SPDYE17: variants seen among roughly 807,000 people sequenced by gnomAD.
The protein encoded by SPDYE17 is speedy protein E17.
For synonymous variants in SPDYE17, 4 were observed against 14.8 expected, an observed-to-expected ratio of 0.27 and a Z score of 1.68; for missense variants, 7 against 38.0, an observed-to-expected ratio of 0.18 and a Z score of 2.15.
chr7:77,026,644 T>TTCA (rs1789438316), intron 5 of SPDYE17, among the ~76,000 whole-genome samples, 185 bp downstream of exon 5: 1 of 136,286 alleles, frequency 7.3e-6, no homozygotes, highest in Non-Finnish European at 1.6e-5. Context: ...TTAGGAGCGG[T>TTCA]TCATGGTTCC....
chr7:77,032,210 CA>C lies in SPDYE17; in HGVS notation c.-454+29del, dbSNP rs1238120887. Among the ~76,000 whole-genome samples the C allele has an allele frequency of 9.3e-3, 708 of 76,154 alleles. 63 individuals carry two copies. The highest frequency in any genetic ancestry group is 0.013 in the Non-Finnish European group (540 of 40,880). 50.0% of individuals were successfully genotyped at this position (76,154 alleles called of 152,430 possible). ...GGGCAACAAGAGCAAAACTACATCT[CA>C]AAAAAAAAAAAAAACAAACAAAAAG... On this transcript the variant is annotated intron_variant, in intron 1 of 7. Coordinates refer to ENST00000671986, the MANE Select transcript of SPDYE17 (RefSeq NM_001351351.3).
chr7:77,031,808 C>T (rs1583957837), intron 1 of SPDYE17, among the ~76,000 whole-genome samples: 1 of 40,124 alleles, frequency 2.5e-5, no homozygotes, highest in Non-Finnish European at 3.8e-5. Context: ...GAGCTGTGAT[C>T]GTGACACCGC....
chr7:77,029,755 G>A (rs1789479854), intron 2 of SPDYE17, among the ~76,000 whole-genome samples: 1 of 108,844 alleles, frequency 9.2e-6, no homozygotes, highest in Non-Finnish European at 1.8e-5. Flanking sequence ...CACCCAGGCT[G>A]GAGTGTAGTG....
chr7:77,032,222 A>C lies in SPDYE17; in HGVS notation c.-454+18T>G, dbSNP rs539019387. The stretch of plus-strand genomic sequence containing the variant: ...CAAAACTACATCTCAAAAAAAAAAA[A>C]AAACAAACAAAAAGAACCTGTGGAT... On this transcript the variant is annotated intron_variant, in intron 1 of 7. Coordinates refer to ENST00000671986, the MANE Select transcript of SPDYE17 (RefSeq NM_001351351.3). Among the ~76,000 whole-genome samples, 244 of 119,268 alleles carry C rather than the reference A, an allele frequency of 2.0e-3. 18 individuals are homozygous for C. The highest frequency in any genetic ancestry group is 3.1e-3 in the Non-Finnish European group (185 of 59,666). 78.2% of individuals were successfully genotyped at this position (119,268 alleles called of 152,430 possible).
intron 2 of SPDYE17, among the ~76,000 whole-genome samples, chr7:77,029,720 G>C (rs1347752457): frequency 2.9e-5 from 1 of 34,104 alleles, no homozygotes; most frequent in Non-Finnish European, 4.9e-5. Context: ...TTTTTTTTTT[G>C]TTTCGAGACA....
chr7:77,027,747 G>A (rs1334769031), intron 4 of SPDYE17, among the ~76,000 whole-genome samples: 1 of 127,194 alleles, frequency 7.9e-6, no homozygotes, highest in African/African-American at 2.8e-5. Context: ...TGTAATCTGA[G>A]CACTTTGGGA....
rs1307084648 is a variant in SPDYE17 at position 77,027,694 on chromosome 7, A to C, written c.408+448T>G. On this transcript the variant is annotated intron_variant, in intron 4 of 7. Transcript: ENST00000671986. ...CAGAAAAAAAAATGTGTGGGTGCCA[A>C]GACTCAAGACCATGGGAGCTGGTCA... Among the ~76,000 whole-genome samples, 184 of 116,284 alleles carry C rather than the reference A, an allele frequency of 1.6e-3. 3 individuals are homozygous for C. The highest frequency in any genetic ancestry group is 3.0e-3 in the South Asian group (8 of 2,708). The allele number at this position is 116,284 out of a possible 152,430, so 76.3% of individuals were successfully genotyped here.
chr7:77,031,916 C>T (rs1789495028), intron 1 of SPDYE17, among the ~76,000 whole-genome samples: 1 of 52,200 alleles, frequency 1.9e-5, no homozygotes, highest in Non-Finnish European at 3.1e-5. Flanking sequence ...TCCAAAGAAC[C>T]TGTGGGTTCC....
At chr7:77,027,230 G>A (rs1362010561) in intron 4 of SPDYE17, among the ~76,000 whole-genome samples, 1 of 70,088 alleles carries the variant, frequency 1.4e-5, no homozygotes, top group Non-Finnish European at 2.5e-5. Flanking sequence ...CTGTCCCAAG[G>A]AGCTGAGAGT....
rs1289456331 is a variant in SPDYE17, at chr7:77,029,272, C to T, written c.310G>A (p.Val104Met). The T allele has an allele frequency of 8.8e-5, 8 of 90,752 alleles. No homozygotes were observed. Among genetic ancestry groups the T allele is most frequent in the Admixed American group, 7.9e-4 (3 of 3,794 alleles). The allele number at this position is 90,752 out of a possible 1,614,324, so 5.6% of individuals were successfully genotyped here. A position where few individuals can be genotyped will look rare whatever the true frequency, so the allele number is the denominator to read the frequency against. ...MKAKRRRVSL[V>M]LPEYYEAFNR... ...AAGGCCTCGTAGTACTCAGGGAGCA[C>T]GAGCGACACTCGCCGTCGCTTCGCC... is the stretch of plus-strand genomic sequence containing the variant. The change falls in exon 3 of 8, where the codon GTG (valine) becomes ATG (methionine). Residue 104 changes from valine (V) to methionine (M), a missense_variant. By Grantham distance (21) the Val-to-Met change is conservative. Transcript: ENST00000671986.
chr7:77,025,747 TAA>T (rs1789421055), intron 5 of SPDYE17: 1 of 36,272 alleles, frequency 2.8e-5, no homozygotes, highest in African/African-American at 3.2e-4. Flanking sequence ...CTTGTCTTGA[TAA>T]ATAAATAAAT....
intron 5 of SPDYE17, among the ~76,000 whole-genome samples, chr7:77,026,503 C>G (rs1255745014): frequency 6.7e-6 from 1 of 150,100 alleles, no homozygotes; most frequent in African/African-American, 2.4e-5. Context: ...ACTGTGACCT[C>G]TGTCACGGGA....
At chr7:77,027,767 G>C (rs566363609) in intron 4 of SPDYE17, among the ~76,000 whole-genome samples, 2 of 127,560 alleles carry the variant, frequency 1.6e-5, no homozygotes, top group Non-Finnish European at 3.2e-5. Context: ...AGGCCAAGGC[G>C]GGTGGATCAC....
chr7:77,032,323 T>G lies in SPDYE17; in HGVS notation c.-537A>C, dbSNP rs1310996966. Among the ~76,000 whole-genome samples, 1 of 132,846 alleles carries G rather than the reference T, an allele frequency of 7.5e-6. No individual in the cohort carries two copies. The highest frequency in any genetic ancestry group is 1.6e-5 in the Non-Finnish European group (1 of 63,498). The allele number at this position is 132,846 out of a possible 152,430, so 87.2% of individuals were successfully genotyped here. Reference sequence around the variant, plus strand: ...GCTCATGGGAAAGGCACAAACTGAATGCGGAAGGAAATCCCATTGCTATGG... The same window carrying G: ...GCTCATGGGAAAGGCACAAACTGAAGGCGGAAGGAAATCCCATTGCTATGG... On this transcript the variant is annotated 5_prime_UTR_variant, in exon 1 of 8. Coordinates refer to ENST00000671986, the MANE Select transcript of SPDYE17 (RefSeq NM_001351351.3).
intron 4 of SPDYE17, among the ~76,000 whole-genome samples, 193 bp downstream of exon 4, chr7:77,027,949 C>T (rs1789460108): frequency 1.5e-5 from 2 of 130,666 alleles, no homozygotes; most frequent in South Asian, 3.1e-4. Flanking sequence ...GAGTCAAGAT[C>T]GAGACACTGC....
intron 5 of SPDYE17, among the ~76,000 whole-genome samples, chr7:77,026,098 G>A (rs1405523114): frequency 3.2e-5 from 4 of 125,612 alleles, no homozygotes; most frequent in African/African-American, 9.5e-5. Context: ...GGAAGACGAG[G>A]GAAGGCATCA....
rs1789390698 is a variant in SPDYE17, at chr7:77,022,848, A to G, written c.*985T>C. On this transcript the variant is annotated 3_prime_UTR_variant, in exon 8 of 8. Coordinates refer to ENST00000671986, the MANE Select transcript of SPDYE17 (RefSeq NM_001351351.3). ...AATATATTTAATAAATATTTCAATA[A>G]ATAAAATAATATTTAAATAATTCTG... is the stretch of plus-strand genomic sequence containing the variant. Among the ~76,000 whole-genome samples, 1 of 116,334 alleles carries G rather than the reference A, an allele frequency of 8.6e-6. No individual in the cohort carries two copies. Among genetic ancestry groups the G allele is most frequent in the Admixed American group, 9.9e-5 (1 of 10,120 alleles). 76.3% of individuals were successfully genotyped at this position (116,334 alleles called of 152,430 possible). A position where few individuals can be genotyped will look rare whatever the true frequency, so the allele number is the denominator to read the frequency against.
intron 5 of SPDYE17, among the ~76,000 whole-genome samples, chr7:77,026,616 G>A (rs568459595): frequency 1.1e-3 from 155 of 145,362 alleles, no homozygotes; most frequent in Middle Eastern, 3.6e-3. Flanking sequence ...CCGCTCCTCC[G>A]CTCCTTTTCT....
intron 5 of SPDYE17, chr7:77,025,647 A>G (rs1048458278): frequency 2.6e-4 from 33 of 126,506 alleles, no homozygotes; most frequent in African/African-American, 9.6e-4. Flanking sequence ...AGGAGGCTGA[A>G]GCATAAGAAT....
Sources: gnomAD v4.1 joint callset for allele counts (sites outside exome capture counted in the v4.1 genomes callset) on GRCh38, gnomAD v4.1.1 for gene constraint, MANE v1.5 for transcripts, NCBI Gene and HGNC (gene_info 2026-07-23, HGNC 2026-07-21) for gene names.